C12orf42: variants seen among roughly 807,000 people sequenced by gnomAD.
C12orf42 encodes chromosome 12 open reading frame 42, also known as uncharacterized protein C12orf42.
In C12orf42, 25 loss-of-function variants were observed where a neutral mutation model predicts 21.6. That is an observed-to-expected ratio of 1.16 (90% CI 0.84 to 1.62). The LOEUF (loss-of-function observed/expected upper bound fraction) is 1.62, where lower values mean the gene tolerates loss of function less well. C12orf42 is among the 40% of genes most tolerant of loss of function. C12orf42 has a pLI of 0.00. For synonymous variants in C12orf42, 174 were observed against 175.0 expected (o/e 0.99, Z 0.05); for missense variants, 483 against 459.3 (o/e 1.05, Z -0.47).
chr12:103,540,976 TC>T, the C12orf42 span, among the ~76,000 whole-genome samples: 1 of 152,212 alleles, frequency 6.6e-6, no homozygotes. Flanking sequence ...CAGTCTTGGC[TC>T]ACTGCAACCT....
chr12:103,134,036 A>C, the C12orf42 span, among the ~76,000 whole-genome samples: 3 of 152,230 alleles, frequency 2.0e-5, no homozygotes, highest in African/African-American at 4.8e-5. Flanking sequence ...TGTCTTTATT[A>C]GTAGCATGAG....
chr12:103,275,955 C>T (rs1383700022), intron 5 of C12orf42, among the ~76,000 whole-genome samples: 1 of 152,066 alleles, frequency 6.6e-6, no homozygotes, highest in African/African-American at 2.4e-5. Context: ...CTCCTGTAAT[C>T]CCTACTACTC....
chr12:103,368,216 T>C, intron 4 of C12orf42: 1 of 476,186 alleles, frequency 2.1e-6, no homozygotes, highest in South Asian at 1.6e-5. Context: ...TGACACAAAA[T>C]GATGTTCTTT....
chr12:103,501,300 T>C, the C12orf42 span, among the ~76,000 whole-genome samples: 3 of 152,140 alleles, frequency 2.0e-5, no homozygotes, highest in Non-Finnish European at 4.4e-5. Context: ...GGGGGGATAA[T>C]TGAAGATCAG....
chr12:103,126,372 T>C, the C12orf42 span, among the ~76,000 whole-genome samples: 9 of 152,192 alleles, frequency 5.9e-5, no homozygotes, highest in South Asian at 1.9e-3. Flanking sequence ...CCATTACTGG[T>C]TCTAAAAATA....
At chr12:103,542,336 G>A in the C12orf42 span, among the ~76,000 whole-genome samples, 1 of 152,244 alleles carries the variant, frequency 6.6e-6, no homozygotes, top group Non-Finnish European at 1.5e-5. Flanking sequence ...GGAAATTCTA[G>A]ATAAGCTGAA....
intron 2 of C12orf42, among the ~76,000 whole-genome samples, chr12:103,440,749 A>C (rs1049904026): frequency 6.6e-6 from 1 of 152,228 alleles, no homozygotes; most frequent in South Asian, 2.1e-4. Flanking sequence ...GTACAACACC[A>C]CACCGTGGCT....
intron 4 of C12orf42, among the ~76,000 whole-genome samples, chr12:103,362,228 T>C (rs904734279): frequency 1.3e-5 from 2 of 152,142 alleles, no homozygotes; most frequent in African/African-American, 4.8e-5. Flanking sequence ...CTGGTAGCCC[T>C]GCTGGGTGGC....
chr12:103,053,325 T>C, the C12orf42 span, among the ~76,000 whole-genome samples: 1 of 151,986 alleles, frequency 6.6e-6, no homozygotes, highest in Non-Finnish European at 1.5e-5. Context: ...AAACTCACTG[T>C]GGCTTTAATT....
rs79462563 is a variant in C12orf42 at position 103,369,598 on chromosome 12, G to C, written c.148-600C>G. Among the ~76,000 whole-genome samples, 1,367 of 151,620 alleles carry C rather than the reference G, an allele frequency of 9.0e-3. 10 individuals carry two copies. Among genetic ancestry groups the C allele is most frequent in the African/African-American group, 0.032 (1,312 of 41,348 alleles). On this transcript the variant is annotated intron_variant, in intron 3 of 5. Coordinates refer to ENST00000548883, the MANE Select transcript of C12orf42 (RefSeq NM_198521.5). Reference sequence around the variant, plus strand: ...GGGATAGGGAAGGGGGTCAGAAGGTGGGGGAGAGGAGGCTCTTAAATCAAG... The same window carrying C: ...GGGATAGGGAAGGGGGTCAGAAGGTCGGGGAGAGGAGGCTCTTAAATCAAG...
chr12:103,145,874 A>G, the C12orf42 span, among the ~76,000 whole-genome samples: 3 of 152,160 alleles, frequency 2.0e-5, no homozygotes, highest in Non-Finnish European at 2.9e-5. Context: ...CAGAGTCCAA[A>G]CAATATGTAA....
At chr12:103,294,583 G>GGAAGGAAAGAAAGAAAAAGAAA (rs1300203895) in intron 4 of C12orf42, among the ~76,000 whole-genome samples, 29 of 80,280 alleles carry the variant, frequency 3.6e-4, no homozygotes, top group African/African-American at 1.6e-3. Context: ...AAGGAAGGAA[G>GGAAGGAAAGAAAGAAAAAGAAA]GAAAGAAAGA....
intron 4 of C12orf42, among the ~76,000 whole-genome samples, chr12:103,312,900 A>G (rs2039104905): frequency 6.6e-6 from 1 of 152,228 alleles, no homozygotes; most frequent in Non-Finnish European, 1.5e-5. Flanking sequence ...ATTCATTTTC[A>G]GTTTTGATAC....
the C12orf42 span, among the ~76,000 whole-genome samples, chr12:103,119,752 TAG>T: frequency 6.6e-6 from 1 of 152,226 alleles, no homozygotes; most frequent in Admixed American, 6.5e-5. Context: ...TAAATTGGGA[TAG>T]AGTCTTCAAT....
chr12:103,071,080 T>G, the C12orf42 span, among the ~76,000 whole-genome samples: 2 of 152,204 alleles, frequency 1.3e-5, no homozygotes, highest in Admixed American at 6.6e-5. Flanking sequence ...GAAACAATCA[T>G]GAAAGAAATA....
the C12orf42 span, among the ~76,000 whole-genome samples, chr12:103,228,397 C>T: frequency 3.9e-5 from 6 of 152,130 alleles, no homozygotes; most frequent in Admixed American, 6.5e-5. Context: ...AGGCAAGGAC[C>T]GGCCATTTAC....
chr12:103,059,901 T>C, the C12orf42 span, among the ~76,000 whole-genome samples: 8 of 152,314 alleles, frequency 5.3e-5, no homozygotes, highest in Non-Finnish European at 1.0e-4. Flanking sequence ...GCTGGAAGCA[T>C]GCCCTTTGAA....
chr12:103,234,593 A>T (rs757599162), downstream of C12orf42, among the ~76,000 whole-genome samples: 1 of 152,176 alleles, frequency 6.6e-6, no homozygotes, highest in Admixed American at 6.5e-5. Flanking sequence ...TACATCTTAC[A>T]TTAAATTTAC....
rs143199443 is a variant in C12orf42, at chr12:103,353,521, AAAAGAG to A, written c.259+15360_259+15365del. 3.0e-3 allele frequency among the ~76,000 whole-genome samples: 454 copies of A among 152,236 alleles called. 2 individuals are homozygous for A. Among genetic ancestry groups the A allele is most frequent in the African/African-American group, 0.01 (430 of 41,552 alleles). On this transcript the variant is annotated intron_variant, in intron 4 of 5. Coordinates refer to ENST00000548883, the MANE Select transcript of C12orf42 (RefSeq NM_198521.5). ...TTATTCTTCAGGGTCCAGCAGGAAC[AAAAGAG>A]AAAGAGTGTTTATGTGAGGGCCAGT...
Sources: gnomAD v4.1 joint callset for allele counts (sites outside exome capture counted in the v4.1 genomes callset) on GRCh38, gnomAD v4.1.1 for gene constraint, MANE v1.5 for transcripts, NCBI Gene and HGNC (gene_info 2026-07-23, HGNC 2026-07-21) for gene names.